ANKS1B: variants seen among roughly 807,000 people sequenced by gnomAD.
ANKS1B encodes the protein ankyrin repeat and sterile alpha motif domain containing 1B.
In ANKS1B, 36 loss-of-function variants were observed where a neutral mutation model predicts 148.3. That is an observed-to-expected ratio of 0.24 (90% CI 0.19 to 0.32). The LOEUF is 0.32. Among genes scored for constraint, ANKS1B ranks in the 10% least tolerant of loss-of-function variants. The probability of loss-of-function intolerance (pLI) is 1.00; values close to 1 mark genes in which losing one functional copy is unlikely to be tolerated. For missense variants in ANKS1B, 1,157 were observed against 1,542.6 expected (o/e 0.75, Z 4.19); for synonymous variants, 542 against 560.8 (o/e 0.97, Z 0.47).
intron 17 of ANKS1B, among the ~76,000 whole-genome samples, chr12:98,919,206 C>T (rs901042983): frequency 6.6e-6 from 1 of 152,126 alleles, no homozygotes; most frequent in African/African-American, 2.4e-5. Flanking sequence ...TGTTCACTTA[C>T]AATTTATTTT....
chr12:99,277,460 A>G (rs561318689), intron 12 of ANKS1B, among the ~76,000 whole-genome samples: 1 of 152,336 alleles, frequency 6.6e-6, no homozygotes, highest in Admixed American at 6.5e-5. Flanking sequence ...AGGGTCTGTG[A>G]AAATTAAAAA....
chr12:99,489,052 AC>A (rs895169532), intron 10 of ANKS1B, among the ~76,000 whole-genome samples: 2 of 152,024 alleles, frequency 1.3e-5, no homozygotes, highest in African/African-American at 4.8e-5. Flanking sequence ...GACCAGTCTG[AC>A]CAACATGGTG....
chr12:99,541,109 A>T (rs2097121670), intron 9 of ANKS1B, among the ~76,000 whole-genome samples: 1 of 152,214 alleles, frequency 6.6e-6, no homozygotes, highest in Admixed American at 6.5e-5. Context: ...AACAAGTAAG[A>T]GATTGAATTT....
chr12:99,338,500 C>A (rs2089358065), intron 12 of ANKS1B, among the ~76,000 whole-genome samples: 11 of 152,148 alleles, frequency 7.2e-5, no homozygotes, highest in Admixed American at 7.2e-4. Context: ...ACTTTAAGAG[C>A]CTGCTTTGTG....
At chr12:99,258,681 A>G (rs2075590716) in intron 12 of ANKS1B, among the ~76,000 whole-genome samples, 2 of 147,708 alleles carry the variant, frequency 1.4e-5, no homozygotes, top group African/African-American at 2.5e-5. Flanking sequence ...TTTTCCAAAT[A>G]TTGAGAAAAT....
intron 14 of ANKS1B, among the ~76,000 whole-genome samples, chr12:99,200,109 A>T (rs1481948886): frequency 6.6e-6 from 1 of 152,226 alleles, no homozygotes; most frequent in Non-Finnish European, 1.5e-5. Flanking sequence ...GAATTAAGTG[A>T]AACATTTCAG....
intron 17 of ANKS1B, among the ~76,000 whole-genome samples, chr12:98,930,903 C>G (rs753630363): frequency 4.6e-5 from 7 of 151,704 alleles, no homozygotes; most frequent in Admixed American, 1.3e-4. Context: ...AATTATATCT[C>G]AATAAAAAAT....
intron 12 of ANKS1B, among the ~76,000 whole-genome samples, chr12:99,380,752 T>G (rs956485378): frequency 7.5e-6 from 1 of 132,652 alleles, no homozygotes; most frequent in South Asian, 2.4e-4. Context: ...CAGTTTCCTT[T>G]CCTCCTTCCT....
At chr12:99,837,340 G>A (rs1339546255) in intron 1 of ANKS1B, among the ~76,000 whole-genome samples, 1 of 152,128 alleles carries the variant, frequency 6.6e-6, no homozygotes, top group Non-Finnish European at 1.5e-5. Context: ...GTTATTCTAA[G>A]CCACTACATT....
intron 12 of ANKS1B, among the ~76,000 whole-genome samples, chr12:99,286,399 C>T (rs1347865641): frequency 2.0e-5 from 3 of 151,988 alleles, no homozygotes; most frequent in African/African-American, 7.3e-5. Flanking sequence ...TGAACATGAG[C>T]AATACCCAGG....
chr12:99,041,484 T>C (rs2099958913), intron 17 of ANKS1B, among the ~76,000 whole-genome samples: 1 of 152,176 alleles, frequency 6.6e-6, no homozygotes, highest in Admixed American at 6.5e-5. Context: ...TCTATCATTC[T>C]CCAATTACTG....
At chr12:99,979,181 G>A (rs1329977622) in intron 1 of ANKS1B, among the ~76,000 whole-genome samples, 2 of 151,992 alleles carry the variant, frequency 1.3e-5, no homozygotes, top group Non-Finnish European at 2.9e-5. Context: ...CAATTTTAGT[G>A]CTCTGATGAG....
intron 16 of ANKS1B, among the ~76,000 whole-genome samples, chr12:99,056,151 T>A (rs930471204): frequency 6.6e-6 from 1 of 152,194 alleles, no homozygotes; most frequent in African/African-American, 2.4e-5. Flanking sequence ...CCTATTCTGA[T>A]GAATGTTGTG....
chr12:99,850,011 T>A (rs1303919026), intron 1 of ANKS1B, among the ~76,000 whole-genome samples: 1 of 152,160 alleles, frequency 6.6e-6, no homozygotes, highest in Non-Finnish European at 1.5e-5. Flanking sequence ...GGAATGTGAC[T>A]GTTTTAATAA....
At chr12:99,610,512 T>C (rs904568103) in intron 9 of ANKS1B, among the ~76,000 whole-genome samples, 45 of 152,092 alleles carry the variant, frequency 3.0e-4, no homozygotes, top group African/African-American at 1.0e-3. Context: ...CTTTTGGGGA[T>C]AGAAGTTCTA....
At chr12:99,657,046 C>G (rs1437181551) in intron 8 of ANKS1B, among the ~76,000 whole-genome samples, 1 of 149,870 alleles carries the variant, frequency 6.7e-6, no homozygotes, top group Non-Finnish European at 1.5e-5. Flanking sequence ...AGTTGTCCCC[C>G]AATCAGTTGC....
At position 99,501,349 on chromosome 12, in the gene ANKS1B, T is replaced by A. The variant is rs530021242; in HGVS notation, c.1438+3127A>T. The stretch of plus-strand genomic sequence containing the variant: ...TAGGAAAATTATTCATAGAAATTAT[T>A]TGGGGCCCTGGAGGAGAGTATATTT... On this transcript the variant is annotated intron_variant, in intron 10 of 26. Transcript: ENST00000683438. Among the ~76,000 whole-genome samples, 18 of 152,258 alleles carry A rather than the reference T, an allele frequency of 1.2e-4. No homozygotes were observed. In the East Asian group the frequency reaches 3.3e-3, roughly 28 times the overall value.
At chr12:99,601,633 A>G (rs1047574194) in intron 9 of ANKS1B, among the ~76,000 whole-genome samples, 6 of 152,138 alleles carry the variant, frequency 3.9e-5, no homozygotes, top group African/African-American at 1.4e-4. Flanking sequence ...ACAAGATAAC[A>G]AGAGAAAAGC....
chr12:99,083,217 T>C (rs2050438624), intron 16 of ANKS1B, among the ~76,000 whole-genome samples: 1 of 152,194 alleles, frequency 6.6e-6, no homozygotes. Flanking sequence ...TAATATTTAC[T>C]TTTCCCACTT....
Sources: allele counts gnomAD v4.1 joint callset (sites outside exome capture counted in the v4.1 genomes callset), GRCh38; gene constraint gnomAD v4.1.1; transcripts MANE v1.5; gene names NCBI Gene and HGNC (gene_info 2026-07-23, HGNC 2026-07-21).